Variants in MEG3 observed in about 807,000 individuals in gnomAD.
The protein encoded by MEG3 is maternally expressed 3.
At chr14:100,836,137 C>T (rs1046483209) in intron 1 of MEG3, 51 of 429,292 alleles carry the variant, frequency 1.2e-4, no homozygotes, top group African/African-American at 1.0e-3. Context: ...CTTGCCTTGC[C>T]ATGATTCTAA....
downstream of MEG3, chr14:100,829,512 C>T (rs1685660427): frequency 6.6e-6 from 1 of 152,240 alleles, no homozygotes; most frequent in Non-Finnish European, 1.5e-5. Context: ...GAAGATCTTC[C>T]TATCCTTTTC....
At chr14:100,853,204 A>C (rs1203963646), upstream of MEG3, 3 of 152,308 alleles carry the variant, frequency 2.0e-5, no homozygotes, top group East Asian at 5.8e-4. Context: ...AACTTTTAAC[A>C]ATGAGAATTA....
intron 2 of MEG3, among the ~76,000 whole-genome samples, chr14:100,838,221 T>C (rs2037646559): frequency 6.6e-6 from 1 of 152,052 alleles, no homozygotes; most frequent in South Asian, 2.1e-4. Context: ...AAAGTCAAAG[T>C]GAAGGCCAGG....
exon 1 of MEG3, chr14:100,859,267 T>C (rs1202939601): frequency 2.0e-5 from 3 of 152,190 alleles, no homozygotes; most frequent in Non-Finnish European, 1.5e-5. Flanking sequence ...AACGCTGAAC[T>C]GGGGATGGGT....
intron 3 of MEG3, chr14:100,847,000 T>A (rs1021922528): frequency 1.5e-4 from 22 of 150,550 alleles, no homozygotes; most frequent in Admixed American, 8.6e-4. Context: ...AGGTTTTTTT[T>A]AAAAAACCAA....
rs1329752338 is a variant in MEG3, at chr14:100,834,852, A to G, written n.1884A>G. 1.1e-5 allele frequency: 5 copies of G among 455,950 alleles called. No homozygotes were observed. In the East Asian group the frequency reaches 3.5e-4, roughly 32 times the overall value. The allele number at this position is 455,950 out of a possible 1,614,324, so 28.2% of individuals were successfully genotyped here. ...CTGGAGGGTGGAATTCATTTTTGAG[A>G]GGTGTGTGAGCAGCTTCCGACCCCT... On this transcript the variant is annotated non_coding_transcript_exon_variant, in exon 1 of 4. Transcript: ENST00000398461.
At chr14:100,827,199 GC>G (rs968863683) in intron 1 of MEG3, among the ~76,000 whole-genome samples, 2 of 152,032 alleles carry the variant, frequency 1.3e-5, no homozygotes, top group Non-Finnish European at 2.9e-5. Flanking sequence ...TCAGAGTCAA[GC>G]CCCCCCAGGC....
chr14:100,859,192 G>A (rs1000814089), exon 1 of MEG3: 6 of 152,290 alleles, frequency 3.9e-5, no homozygotes, highest in Non-Finnish European at 7.3e-5. Flanking sequence ...TGGGCTGTTT[G>A]GCTAGCGTAC....
chr14:100,838,082 T>TG (rs1433219393), intron 2 of MEG3, among the ~76,000 whole-genome samples: 1 of 152,142 alleles, frequency 6.6e-6, no homozygotes, highest in Non-Finnish European at 1.5e-5. Context: ...GCTGGGGTCC[T>TG]GGGGGGATCC....
chr14:100,839,263 C>A (rs941081291), intron 2 of MEG3, among the ~76,000 whole-genome samples: 7 of 152,116 alleles, frequency 4.6e-5, no homozygotes, highest in Non-Finnish European at 1.0e-4. Flanking sequence ...TGGAAAAGCC[C>A]TGGGTCGCTG....
exon 1 of MEG3, chr14:100,834,752 G>C (rs1161574921): frequency 2.2e-6 from 1 of 456,676 alleles, no homozygotes; most frequent in Non-Finnish European, 4.4e-6. Context: ...GTTTCGCCAG[G>C]TGAGTGAATG....
intron 1 of MEG3, chr14:100,860,652 G>A (rs905813990): frequency 2.2e-6 from 1 of 456,654 alleles, no homozygotes; most frequent in South Asian, 1.5e-5. Flanking sequence ...AGCGAGGCCG[G>A]GAGCAGGTGG....
intron 3 of MEG3, chr14:100,848,038 T>G (rs982633179): frequency 6.6e-6 from 1 of 151,978 alleles, no homozygotes; most frequent in African/African-American, 2.4e-5. Context: ...AGCCACTCCA[T>G]GGCAATGAGC....
chr14:100,850,024 T>C (rs551314438), intron 3 of MEG3: 2 of 152,232 alleles, frequency 1.3e-5, no homozygotes, highest in African/African-American at 4.8e-5. Flanking sequence ...AATAAAAGAA[T>C]AAATACTTAA....
rs2037883634 is a variant in MEG3 at position 100,845,274 on chromosome 14, G to T, written n.3046-184G>T. Among the ~76,000 whole-genome samples the T allele has an allele frequency of 1.3e-5, 2 of 152,210 alleles. No homozygotes were observed. Among genetic ancestry groups the T allele is most frequent in the Non-Finnish European group, 2.9e-5 (2 of 68,034 alleles). On this transcript the variant is annotated intron_variant and non_coding_transcript_variant, in intron 2 of 3. Coordinates refer to the MEG3 transcript ENST00000398461. This position sits in a 1 kb window ranked among gnomAD's most constrained non-coding sequence, Gnocchi z 5.2. Reference sequence around the variant, plus strand: ...GCCCCTTCCGCTCCATAGGCAGCTGGTGGGTGAGTGGAGTCAGGAGAGAAA... The same window carrying T: ...GCCCCTTCCGCTCCATAGGCAGCTGTTGGGTGAGTGGAGTCAGGAGAGAAA...
chr14:100,850,207 G>A (rs1237739181), intron 3 of MEG3: 1 of 152,204 alleles, frequency 6.6e-6, no homozygotes, highest in African/African-American at 2.4e-5. Flanking sequence ...GGTGCTTGAC[G>A]TAGGAGCAGT....
At chr14:100,834,800 C>T in exon 1 of MEG3, 1 of 456,692 alleles carries the variant, frequency 2.2e-6, no homozygotes, top group Non-Finnish European at 4.4e-6. Flanking sequence ...ACTAGCTGGG[C>T]CATGCGAAGA....
intron 3 of MEG3, chr14:100,850,313 T>C (rs1364779700): frequency 6.6e-6 from 1 of 152,190 alleles, no homozygotes; most frequent in Admixed American, 6.5e-5. Flanking sequence ...TGGCTGGGAA[T>C]GGTGGCTCAC....
chr14:100,835,270 G>GC (rs370847475), exon 1 of MEG3: 5 of 158,814 alleles, frequency 3.1e-5, no homozygotes, highest in Non-Finnish European at 5.5e-5. Flanking sequence ...TGTAGTGTGT[G>GC]CCCCCCCGGG....
Sources: allele counts gnomAD v4.1 joint callset (sites outside exome capture counted in the v4.1 genomes callset), GRCh38; gene constraint gnomAD v4.1.1; non-coding constraint Gnocchi (gnomAD v3.1); transcripts MANE v1.5; gene names NCBI Gene and HGNC (gene_info 2026-07-23, HGNC 2026-07-21).